TPCN1: variants seen among roughly 807,000 people sequenced by gnomAD.
The protein encoded by TPCN1 is two pore channel protein 1.
Under a neutral mutation model 108.8 loss-of-function variants are expected in TPCN1, and 52 were observed. That is an observed-to-expected ratio of 0.48 (90% CI 0.38 to 0.60). The LOEUF is 0.60. Among genes scored for constraint, TPCN1 ranks in the 20% least tolerant of loss-of-function variants. The pLI is 0.00. For synonymous variants in TPCN1, 446 were observed against 433.7 expected (o/e 1.03, Z -0.35); for missense variants, 806 against 1,072.8 (o/e 0.75, Z 3.47).
rs1025144554 is a variant in TPCN1, at chr12:113,232,278, C to A, written c.112+5314C>A. 6.6e-6 allele frequency among the ~76,000 whole-genome samples: 1 copy of A among 152,244 alleles called. No individual in the cohort carries two copies. Among genetic ancestry groups the A allele is most frequent in the Non-Finnish European group, 1.5e-5 (1 of 68,046 alleles). ...TGGAGTTCCCTAGGACACAGTGCAG[C>A]CTCAGCAATGTGGAGGATCCCTGCC... On this transcript the variant is annotated intron_variant, in intron 2 of 27. Coordinates refer to ENST00000335509, the MANE Select transcript of TPCN1 (RefSeq NM_017901.6). This position sits in a 1 kb window ranked among gnomAD's most constrained non-coding sequence, Gnocchi z 5.6.
chr12:113,237,443 G>A (rs1040968369), intron 2 of TPCN1, among the ~76,000 whole-genome samples: 2 of 151,758 alleles, frequency 1.3e-5, no homozygotes, highest in Non-Finnish European at 2.9e-5. Flanking sequence ...TGCAACCTCC[G>A]CCTTCCGGGT....
At chr12:113,225,603 C>T (rs974427481) in intron 1 of TPCN1, among the ~76,000 whole-genome samples, 1 of 152,008 alleles carries the variant, frequency 6.6e-6, no homozygotes, top group Non-Finnish European at 1.5e-5. Flanking sequence ...CCCTGTCACC[C>T]AGGCTGGATG....
intron 14 of TPCN1, among the ~76,000 whole-genome samples, chr12:113,279,656 G>A (rs904666822): frequency 4.0e-5 from 6 of 151,364 alleles, no homozygotes; most frequent in African/African-American, 1.2e-4. Flanking sequence ...CACCCACCTC[G>A]GCCTCCCAAA....
intron 1 of TPCN1, among the ~76,000 whole-genome samples, chr12:113,224,684 C>T (rs887417155): frequency 6.6e-6 from 1 of 152,268 alleles, no homozygotes; most frequent in South Asian, 2.1e-4. Flanking sequence ...GCATGAGCCA[C>T]CGCGCCTGGC....
intron 10 of TPCN1, among the ~76,000 whole-genome samples, chr12:113,274,374 G>A (rs562799140): frequency 1.3e-5 from 2 of 152,236 alleles, no homozygotes; most frequent in South Asian, 2.1e-4. Flanking sequence ...CTTGAACCCA[G>A]GAGGTGGAGG....
At chr12:113,223,706 G>T (rs1023956250) in intron 1 of TPCN1, among the ~76,000 whole-genome samples, 1 of 151,996 alleles carries the variant, frequency 6.6e-6, no homozygotes, top group Non-Finnish European at 1.5e-5. Flanking sequence ...ACCACACCTG[G>T]CTAATTTTTG....
chr12:113,291,086 C>A, intron 23 of TPCN1, 88 bp downstream of exon 23: 1 of 1,290,656 alleles, frequency 7.7e-7, no homozygotes, highest in Non-Finnish European at 1.1e-6. Context: ...TATAATTCTT[C>A]CCGTAGCTTG....
At chr12:113,286,921 G>A in intron 18 of TPCN1, 66 bp from the exon 19 acceptor site, 1 of 1,184,422 alleles carries the variant, frequency 8.4e-7, no homozygotes, top group Non-Finnish European at 1.3e-6. Flanking sequence ...CACAGGGCCA[G>A]GGAGGGGAGC....
At chr12:113,262,138 C>T (rs1566168777) in intron 3 of TPCN1, among the ~76,000 whole-genome samples, 2 of 152,140 alleles carry the variant, frequency 1.3e-5, no homozygotes, top group Non-Finnish European at 2.9e-5. Flanking sequence ...CATAATTTTC[C>T]CTAATCTTTC....
At chr12:113,265,840 A>C (rs1046059084) in intron 3 of TPCN1, among the ~76,000 whole-genome samples, 1 of 151,926 alleles carries the variant, frequency 6.6e-6, no homozygotes, top group South Asian at 2.1e-4. Flanking sequence ...TGTGTTGCCC[A>C]GGCTAGACTC....
At chr12:113,254,344 T>G (rs1954760016) in intron 2 of TPCN1, among the ~76,000 whole-genome samples, 1 of 152,176 alleles carries the variant, frequency 6.6e-6, no homozygotes, top group African/African-American at 2.4e-5. Flanking sequence ...AGCATTACCT[T>G]GATACCCAAA....
In TPCN1 at chr12:113,268,743, C is replaced by T. The variant is rs1955376919; in HGVS notation, c.530C>T (p.Thr177Ile). ...FIRHKRTMVK[T>I]SVLVVQFVEA... is the part of the protein sequence containing the mutation. ...GTGCTCCATGCCTGCCACCCACAGA[C>T]CTCGGTGCTGGTGGTGCAGTTTGTC... The change falls in exon 6 of 28, where the codon ACC (threonine) becomes ATC (isoleucine). Residue 177 changes from threonine to isoleucine, a missense_variant and splice_region_variant. Transcript: ENST00000335509. The surrounding 1 kb of genome is among the most constrained non-coding windows in gnomAD (Gnocchi z 7.3). 1 of 1,613,328 alleles carries T rather than the reference C, an allele frequency of 6.2e-7. No homozygotes were observed. The highest frequency in any genetic ancestry group is 1.3e-5 in the African/African-American group (1 of 74,906).
chr12:113,294,391 C>G (rs1336919637), intron 27 of TPCN1, among the ~76,000 whole-genome samples: 1 of 152,088 alleles, frequency 6.6e-6, no homozygotes, highest in Admixed American at 6.5e-5. Context: ...CTTTGGGAGG[C>G]CAAGGCAGGC....
At chr12:113,236,821 T>G (rs894332641) in intron 2 of TPCN1, among the ~76,000 whole-genome samples, 4 of 152,104 alleles carry the variant, frequency 2.6e-5, no homozygotes, top group Non-Finnish European at 5.9e-5. Context: ...GATTTCCTCA[T>G]CCGTAAAATG....
chr12:113,229,519 C>T (rs1953597921), intron 2 of TPCN1, among the ~76,000 whole-genome samples: 2 of 152,324 alleles, frequency 1.3e-5, no homozygotes, highest in South Asian at 2.1e-4. Flanking sequence ...GAGACAGTCT[C>T]GTTCTGCTAC....
In TPCN1 at chr12:113,268,747, G is replaced by A. The variant is rs769003400; in HGVS notation, c.534G>A (p.Ser178=). The change falls in exon 6 of 28, where the codon TCG becomes TCA. Residue 178 remains serine, a synonymous_variant. Coordinates refer to ENST00000335509, the MANE Select transcript of TPCN1 (RefSeq NM_017901.6). The surrounding 1 kb of genome is among the most constrained non-coding windows in gnomAD (Gnocchi z 7.3). The stretch of plus-strand genomic sequence containing the variant: ...TCCATGCCTGCCACCCACAGACCTC[G>A]GTGCTGGTGGTGCAGTTTGTCGAGG... ...IRHKRTMVKT[S]VLVVQFVEAI... 35 of 1,613,336 alleles carry A rather than the reference G, an allele frequency of 2.2e-5. No individual in the cohort carries two copies. Among genetic ancestry groups the A allele is most frequent in the South Asian group, 5.5e-5 (5 of 91,048 alleles).
chr12:113,225,268 A>G (rs1341521082), intron 1 of TPCN1: 6 of 452,154 alleles, frequency 1.3e-5, no homozygotes, highest in Non-Finnish European at 2.7e-5. Flanking sequence ...TACATTGCCC[A>G]GGCTGGTCTT....
Position 113,291,885 on chromosome 12 carries a change from G to T in TPCN1, c.2040G>T (p.Thr680=), listed in dbSNP as rs781512418. The stretch of plus-strand genomic sequence containing the variant: ...CTATCCCTGGCCAGGTGGTGATGAC[G>T]ATCATTGTCGCCTTTATCCTCGAGG... ...TFYIVTMVVM[T]IIVAFILEAF... Residue 680 remains threonine, a synonymous_variant, in exon 25 of 28, where the codon ACG becomes ACT. Coordinates refer to ENST00000335509, the MANE Select transcript of TPCN1 (RefSeq NM_017901.6). 11 of 1,609,152 alleles carry T rather than the reference G, an allele frequency of 6.8e-6. No individual in the cohort carries two copies. In the South Asian group the frequency reaches 7.7e-5, roughly 11 times the overall value.
In TPCN1 at chr12:113,296,270, TGGTGAGG is replaced by T; in HGVS notation, c.*199_*205del. 1 of 846,294 alleles carries T rather than the reference TGGTGAGG, an allele frequency of 1.2e-6. No homozygotes were observed. The highest frequency in any genetic ancestry group is 2.1e-5 in the South Asian group (1 of 47,026). The allele number at this position is 846,294 out of a possible 1,614,324, so 52.4% of individuals were successfully genotyped here. A position where few individuals can be genotyped will look rare whatever the true frequency, so the allele number is the denominator to read the frequency against. Reference sequence around the variant, plus strand: ...TCTTCCTTAACTCCAGAAGCCAGTTTGGTGAGGGGTGGGGGTGCGGCCACCAGGTCTG... The same window carrying T: ...TCTTCCTTAACTCCAGAAGCCAGTTTGGTGGGGGTGCGGCCACCAGGTCTG... On this transcript the variant is annotated 3_prime_UTR_variant, in exon 28 of 28. Coordinates refer to ENST00000335509, the MANE Select transcript of TPCN1 (RefSeq NM_017901.6).
Sources: allele counts gnomAD v4.1 joint callset (sites outside exome capture counted in the v4.1 genomes callset), GRCh38; gene constraint gnomAD v4.1.1; non-coding constraint Gnocchi (gnomAD v3.1); transcripts MANE v1.5; gene names NCBI Gene and HGNC (gene_info 2026-07-23, HGNC 2026-07-21).